Variants in TECRL observed in about 807,000 individuals in gnomAD.
The protein encoded by TECRL is trans-2,3-enoyl-CoA reductase like.
In TECRL, 63 loss-of-function variants were observed where a neutral mutation model predicts 52.8. That is an observed-to-expected ratio of 1.19 (90% confidence interval 0.97 to 1.47). The LOEUF is 1.47. TECRL is among the 40% of genes most tolerant of loss of function. TECRL has a pLI of 0.00. For synonymous variants in TECRL, 164 were observed against 141.9 expected (o/e 1.16, Z -1.10); for missense variants, 482 against 429.6 (o/e 1.12, Z -1.08).
At chr4:64,284,391 T>C (rs909870706) in intron 9 of TECRL, among the ~76,000 whole-genome samples, 1 of 152,048 alleles carries the variant, frequency 6.6e-6, no homozygotes, top group African/African-American at 2.4e-5. Context: ...TTTACCCTCG[T>C]TTCGTGTTCT....
chr4:64,399,770 G>T (rs987771288), intron 1 of TECRL, among the ~76,000 whole-genome samples: 11 of 152,118 alleles, frequency 7.2e-5, no homozygotes, highest in Admixed American at 5.2e-4. Flanking sequence ...GGGAACCATT[G>T]CCTAGATTTC....
chr4:64,346,028 A>G (rs1719957884), intron 2 of TECRL, among the ~76,000 whole-genome samples: 1 of 151,884 alleles, frequency 6.6e-6, no homozygotes, highest in Non-Finnish European at 1.5e-5. Context: ...TATAAACACA[A>G]CACACACAAA....
chr4:64,357,209 G>T (rs7656303), intron 2 of TECRL, among the ~76,000 whole-genome samples: 1 of 151,748 alleles, frequency 6.6e-6, no homozygotes, highest in Non-Finnish European at 1.5e-5. Flanking sequence ...TTCAAGATGT[G>T]AAAAACAGTA....
At chr4:64,368,444 C>CG (rs1721760769) in intron 2 of TECRL, among the ~76,000 whole-genome samples, 1 of 85,560 alleles carries the variant, frequency 1.2e-5, no homozygotes, top group Non-Finnish European at 3.2e-5. Flanking sequence ...TACAGGCGCA[C>CG]GCCACCACAC....
chr4:64,304,959 G>T, intron 7 of TECRL: 1 of 354,418 alleles, frequency 2.8e-6, no homozygotes, highest in Non-Finnish European at 5.1e-6. Flanking sequence ...TAATATTTTT[G>T]GTGGTTCGTG....
chr4:64,402,914 CTGCCTAAAGTAGTCTAGTTAAACTCAA>C (rs1724453829), intron 1 of TECRL, among the ~76,000 whole-genome samples: 2 of 152,088 alleles, frequency 1.3e-5, no homozygotes, highest in Non-Finnish European at 2.9e-5. Flanking sequence ...CTAAATCACT[CTGCCTAAAGTAGTCTAGTTAAACTCAA>C]TGAATATCAC....
At chr4:64,335,819 T>C (rs528596823) in intron 2 of TECRL, among the ~76,000 whole-genome samples, 1 of 152,216 alleles carries the variant, frequency 6.6e-6, no homozygotes, top group African/African-American at 2.4e-5. Flanking sequence ...ATATTTGTTT[T>C]CTTGATTTGC....
At chr4:64,312,414 T>C (rs1717100386) in intron 5 of TECRL, among the ~76,000 whole-genome samples, 1 of 152,170 alleles carries the variant, frequency 6.6e-6, no homozygotes, top group African/African-American at 2.4e-5. Context: ...TTGGGAATAA[T>C]GTGGCACAAA....
intron 6 of TECRL, among the ~76,000 whole-genome samples, chr4:64,306,494 C>T (rs947206169): frequency 2.6e-5 from 4 of 152,120 alleles, no homozygotes; most frequent in African/African-American, 7.2e-5. Context: ...AGACTATCAT[C>T]GTTGCTCTCC....
chr4:64,341,806 C>T (rs1343579079), intron 2 of TECRL, among the ~76,000 whole-genome samples: 1 of 152,134 alleles, frequency 6.6e-6, no homozygotes, highest in African/African-American at 2.4e-5. Flanking sequence ...GCTGGGGAAG[C>T]AGCTTGTGGT....
chr4:64,374,052 C>CATATATATATATATAGTATATACATATAT (rs1560538656), intron 2 of TECRL, among the ~76,000 whole-genome samples: 1 of 106,014 alleles, frequency 9.4e-6, no homozygotes, highest in Non-Finnish European at 1.8e-5. Flanking sequence ...ATAGTAGATA[C>CATATATATATATATAGTATATACATATAT]ATATATATAT....
chr4:64,291,817 A>T (rs1410613882), intron 8 of TECRL, among the ~76,000 whole-genome samples: 1 of 151,944 alleles, frequency 6.6e-6, no homozygotes, highest in African/African-American at 2.4e-5. Flanking sequence ...AAAAAATATG[A>T]GAGAGAAAGG....
At chr4:64,316,567 T>C (rs915129554) in intron 4 of TECRL, among the ~76,000 whole-genome samples, 1 of 152,134 alleles carries the variant, frequency 6.6e-6, no homozygotes, top group Non-Finnish European at 1.5e-5. Flanking sequence ...AAGGGCTAGA[T>C]AGACACATAT....
At chr4:64,396,250 C>T (rs1723942746) in intron 1 of TECRL, among the ~76,000 whole-genome samples, 1 of 152,274 alleles carries the variant, frequency 6.6e-6, no homozygotes, top group African/African-American at 2.4e-5. Context: ...TCTCCAACTG[C>T]TTTCCTCAAT....
intron 1 of TECRL, among the ~76,000 whole-genome samples, chr4:64,386,057 C>T (rs1217042873): frequency 6.6e-6 from 1 of 152,106 alleles, no homozygotes; most frequent in African/African-American, 2.4e-5. Context: ...GTATAGGAAG[C>T]AAATGTCAGG....
Position 64,305,221 on chromosome 4 carries a change from C to T in TECRL, c.675G>A (p.Trp225Ter), listed in dbSNP as rs200472348. Residue 225 changes from tryptophan to a stop codon, truncating the protein, a stop_gained, in exon 7 of 12, where the codon TGG becomes TGA. Coordinates refer to ENST00000381210, the MANE Select transcript of TECRL (RefSeq NM_001010874.5). LOFTEE classifies it high-confidence loss of function. The stretch of plus-strand genomic sequence containing the variant: ...AGTAGGCAATCCAAGAAGTAAATCC[C>T]CAGTAAAAGGCACAACTCTGCAAAC... Reference protein sequence around the residue: ...KNLIMSCAFYWGFTSWIAYYI... With the variant: ...KNLIMSCAFY 19 of 1,612,178 alleles carry T rather than the reference C, an allele frequency of 1.2e-5. No homozygotes were observed. Among genetic ancestry groups the T allele is most frequent in the Non-Finnish European group, 1.6e-5 (19 of 1,179,054 alleles).
At chr4:64,368,581 A>G (rs1448631640) in intron 2 of TECRL, among the ~76,000 whole-genome samples, 1 of 152,190 alleles carries the variant, frequency 6.6e-6, no homozygotes, top group African/African-American at 2.4e-5. Flanking sequence ...GGCATGAGCC[A>G]CTGTGCCCAG....
intron 1 of TECRL, among the ~76,000 whole-genome samples, chr4:64,403,223 C>T (rs187307137): frequency 1.3e-4 from 20 of 152,060 alleles, no homozygotes; most frequent in African/African-American, 4.6e-4. Context: ...CTTCTCTAAT[C>T]CAACAGCTAC....
chr4:64,345,318 T>TA (rs1240315780), intron 2 of TECRL, among the ~76,000 whole-genome samples: 1 of 151,872 alleles, frequency 6.6e-6, no homozygotes, highest in Non-Finnish European at 1.5e-5. Context: ...CCAACAATGA[T>TA]AGACTGGATT....
Sources: gnomAD v4.1 joint callset for allele counts (sites outside exome capture counted in the v4.1 genomes callset) on GRCh38, gnomAD v4.1.1 for gene constraint, MANE v1.5 for transcripts, NCBI Gene and HGNC (gene_info 2026-07-23, HGNC 2026-07-21) for gene names.